The following NTNG1 variants were observed in gnomAD, a reference collection of about 807,000 sequenced individuals.
NTNG1 encodes netrin G1, also known as netrin-G1.
A neutral mutation model predicts 54.0 loss-of-function variants in NTNG1; 16 were observed. The ratio of observed to expected loss-of-function variants is 0.30; its 90% CI spans 0.20 to 0.45. The LOEUF is 0.45. NTNG1 is among the 20% of genes least tolerant of loss of function. The probability of loss-of-function intolerance (pLI) is 1.00; values close to 1 mark genes in which losing one functional copy is unlikely to be tolerated. For synonymous variants in NTNG1, 255 were observed against 263.1 expected, an observed-to-expected ratio of 0.97 and a Z score of 0.30; for missense variants, 530 against 678.7, an observed-to-expected ratio of 0.78 and a Z score of 2.43.
chr1:107,242,425 T>C, intron 2 of NTNG1, among the ~76,000 whole-genome samples: 1 of 152,206 alleles, frequency 6.6e-6, no homozygotes, highest in Admixed American at 6.5e-5. Flanking sequence ...ACCGTCTAAC[T>C]CAAAGGCTTT....
At chr1:107,282,237 G>C (rs1461753993) in intron 2 of NTNG1, among the ~76,000 whole-genome samples, 3 of 152,088 alleles carry the variant, frequency 2.0e-5, no homozygotes, top group Non-Finnish European at 4.4e-5. Context: ...TTGCCAATGA[G>C]ATAATATCCA....
Position 107,210,769 on chromosome 1 carries a change from C to T in NTNG1, c.246+61930C>T, listed in dbSNP as rs146176696. On this transcript the variant is annotated intron_variant, in intron 2 of 7. Transcript: ENST00000370068. ...TCTCTCACCCTAGATTCTAAACCTT[C>T]CATTTTCATTTGGCCTCCCTGTGCC... 3.4e-3 allele frequency among the ~76,000 whole-genome samples: 512 copies of T among 152,256 alleles called. 6 individuals carry two copies. Among genetic ancestry groups the T allele is most frequent in the African/African-American group, 0.011 (456 of 41,548 alleles).
chr1:107,385,826 T>A (rs1220005220), intron 3 of NTNG1, among the ~76,000 whole-genome samples: 2 of 151,306 alleles, frequency 1.3e-5, no homozygotes, highest in South Asian at 4.2e-4. Flanking sequence ...TGCCATACTT[T>A]TAAGAATTTT....
chr1:107,254,719 G>A (rs1258889448), intron 2 of NTNG1, among the ~76,000 whole-genome samples: 2 of 152,216 alleles, frequency 1.3e-5, no homozygotes, highest in Non-Finnish European at 2.9e-5. Context: ...AAAAAAATGA[G>A]TTGAGGATTA....
chr1:107,475,103 G>A lies in NTNG1; in HGVS notation c.1391-5508G>A, dbSNP rs989730275. On this transcript the variant is annotated intron_variant, in intron 7 of 7. Transcript: ENST00000370068. The stretch of plus-strand genomic sequence containing the variant: ...AGTAACAATTGATACTATCAACAAA[G>A]ACCTCTGCCTAGTCAAAGTGTGATA... 2.6e-5 allele frequency among the ~76,000 whole-genome samples: 4 copies of A among 152,168 alleles called. 1 individual carries two copies. The highest frequency in any genetic ancestry group is 5.9e-5 in the Non-Finnish European group (4 of 68,036).
intron 3 of NTNG1, among the ~76,000 whole-genome samples, chr1:107,376,378 A>C (rs574653758): frequency 3.3e-5 from 5 of 151,484 alleles, no homozygotes; most frequent in South Asian, 2.1e-4. Flanking sequence ...ACTGCACTCC[A>C]GCCTGGGTGA....
intron 2 of NTNG1, among the ~76,000 whole-genome samples, chr1:107,161,200 T>A (rs1055849521): frequency 6.6e-6 from 1 of 152,204 alleles, no homozygotes; most frequent in Non-Finnish European, 1.5e-5. Flanking sequence ...TATATTTGTT[T>A]GACCATAACC....
intron 5 of NTNG1, chr1:107,421,283 G>C: frequency 1.7e-6 from 1 of 582,500 alleles, no homozygotes; most frequent in East Asian, 2.8e-5. Context: ...TCAATGCATC[G>C]AATAGTACTG....
intron 2 of NTNG1, among the ~76,000 whole-genome samples, chr1:107,210,905 T>A (rs1659557432): frequency 6.6e-6 from 1 of 152,102 alleles, no homozygotes; most frequent in East Asian, 1.9e-4. Flanking sequence ...CTGTACAGAA[T>A]CCTGTTTTCC....
Position 107,152,123 on chromosome 1 carries a change from C to T in NTNG1, c.246+3284C>T, listed in dbSNP as rs868486800. Among the ~76,000 whole-genome samples, 6 of 151,380 alleles carry T rather than the reference C, an allele frequency of 4.0e-5. No homozygotes were observed. The Middle Eastern group carries it at 0.014, about 346-fold the overall frequency. ...ATATATAAATTGCATATATTGAAAA[C>T]CATATATTTTCTTTTTAATTTGATA... On this transcript the variant is annotated intron_variant, in intron 2 of 7. Coordinates refer to ENST00000370068, the MANE Select transcript of NTNG1 (RefSeq NM_001113226.3).
intron 2 of NTNG1, among the ~76,000 whole-genome samples, chr1:107,204,566 A>G (rs1659032445): frequency 6.6e-6 from 1 of 152,086 alleles, no homozygotes; most frequent in African/African-American, 2.4e-5. Context: ...GACCCTTCAT[A>G]TCACCCCAGC....
At chr1:107,475,887 T>C (rs113746317) in intron 7 of NTNG1, among the ~76,000 whole-genome samples, 2,300 of 152,242 alleles carry the variant, frequency 0.015, 49 homozygotes, top group African/African-American at 0.052. Context: ...AAAAAAAATG[T>C]CTCCAGACAT....
At position 107,481,311 on chromosome 1, in the gene NTNG1, G is replaced by C. The variant is rs1033133500; in HGVS notation, c.*471G>C. Reference sequence around the variant, plus strand: ...CAAGCTGCCATATTGGCCTGCTTCCGTCCCTGAATCCCTTCCAACCTGTGC... The same window carrying C: ...CAAGCTGCCATATTGGCCTGCTTCCCTCCCTGAATCCCTTCCAACCTGTGC... On this transcript the variant is annotated 3_prime_UTR_variant, in exon 8 of 8. Coordinates refer to ENST00000370068, the MANE Select transcript of NTNG1 (RefSeq NM_001113226.3). 6.3e-6 allele frequency: 1 copy of C among 159,394 alleles called. No homozygotes were observed. Among genetic ancestry groups the C allele is most frequent in the African/African-American group, 2.4e-5 (1 of 41,792 alleles). The allele number at this position is 159,394 out of a possible 1,614,324, so 9.9% of individuals were successfully genotyped here.
At position 107,324,866 on chromosome 1, in the gene NTNG1, T is replaced by C; in HGVS notation, c.831T>C (p.Asp277=). ...CAGCCGTTGGGGAAATATTTGTAGA[T>C]GAGCTACACTTGGCACGCTACTTTT... ...LRPAVGEIFV[D]ELHLARYFYA... The change falls in exon 3 of 8, where the codon GAT becomes GAC. Residue 277 remains aspartate (D), a synonymous_variant. Coordinates refer to ENST00000370068, the MANE Select transcript of NTNG1 (RefSeq NM_001113226.3). The C allele has an allele frequency of 1.9e-6, 3 of 1,613,066 alleles. No homozygotes were observed. The highest frequency in any genetic ancestry group is 2.5e-6 in the Non-Finnish European group (3 of 1,179,272).
At chr1:107,421,031 G>T in intron 5 of NTNG1, 1 of 1,267,484 alleles carries the variant, frequency 7.9e-7, no homozygotes, top group South Asian at 1.2e-5. Flanking sequence ...ATTACAGTTT[G>T]AACGTTTCAC....
intron 2 of NTNG1, among the ~76,000 whole-genome samples, chr1:107,209,720 C>T (rs370654667): frequency 6.6e-6 from 1 of 152,140 alleles, no homozygotes; most frequent in Non-Finnish European, 1.5e-5. Flanking sequence ...TGGCAGTTGC[C>T]TGCAACTGTG....
chr1:107,387,172 A>G (rs1672058231), intron 3 of NTNG1, among the ~76,000 whole-genome samples: 1 of 152,216 alleles, frequency 6.6e-6, no homozygotes, highest in East Asian at 1.9e-4. Context: ...AGTAAGTGCA[A>G]CCCATTTTGA....
chr1:107,191,130 G>T (rs1040410024), intron 2 of NTNG1, among the ~76,000 whole-genome samples: 26 of 152,356 alleles, frequency 1.7e-4, no homozygotes, highest in Non-Finnish European at 2.4e-4. Flanking sequence ...TAACCGGTGT[G>T]AGATGATATC....
At chr1:107,368,002 C>G (rs1370789537) in intron 3 of NTNG1, among the ~76,000 whole-genome samples, 1 of 152,128 alleles carries the variant, frequency 6.6e-6, no homozygotes, top group African/African-American at 2.4e-5. Context: ...CCTCAACCCG[C>G]CTGCCTCGGC....
Sources: gnomAD v4.1 joint callset for allele counts (sites outside exome capture counted in the v4.1 genomes callset) on GRCh38, gnomAD v4.1.1 for gene constraint, MANE v1.5 for transcripts, NCBI Gene and HGNC (gene_info 2026-07-23, HGNC 2026-07-21) for gene names.